Variants in SYT2 observed in about 807,000 individuals in gnomAD.
SYT2 encodes synaptotagmin-2.
A neutral mutation model predicts 39.9 loss-of-function variants in SYT2; 15 were observed. That is an observed-to-expected ratio of 0.38 (90% CI 0.25 to 0.58). The LOEUF (loss-of-function observed/expected upper bound fraction) is 0.58. Among genes scored for constraint, SYT2 ranks in the 20% least tolerant of loss-of-function variants. The probability of loss-of-function intolerance (pLI) is 0.70; values close to 1 mark genes in which losing one functional copy is unlikely to be tolerated. For missense variants in SYT2, 389 were observed against 530.3 expected, an observed-to-expected ratio of 0.73 and a Z score of 2.62; for synonymous variants, 181 against 204.5, an observed-to-expected ratio of 0.89 and a Z score of 0.98.
At chr1:202,627,553 T>G in intron 1 of SYT2, 1 of 984,988 alleles carries the variant, frequency 1.0e-6, no homozygotes, top group Non-Finnish European at 1.2e-6. Context: ...CCACTATAGG[T>G]AGGCAGGCCC....
At chr1:202,695,691 CA>C (rs1189881104) in intron 1 of SYT2, among the ~76,000 whole-genome samples, 2 of 152,208 alleles carry the variant, frequency 1.3e-5, no homozygotes, top group Non-Finnish European at 2.9e-5. Context: ...ACAGCACTGA[CA>C]TCAGTGGCAA....
At chr1:202,609,191 T>TGG (rs1690807260) in intron 1 of SYT2, among the ~76,000 whole-genome samples, 1 of 151,914 alleles carries the variant, frequency 6.6e-6, no homozygotes, top group Non-Finnish European at 1.5e-5. Context: ...TCCATGTCCC[T>TGG]ACAAAGGACA....
In SYT2 at chr1:202,596,748, C is replaced by T. The variant is rs186174697; in HGVS notation, c.*9G>A. The T allele has an allele frequency of 1.9e-4, 303 of 1,610,770 alleles. No homozygotes were observed. In the African/African-American group the frequency reaches 2.3e-3, roughly 12 times the overall value. ...TCCGTGAAAGGTGTGGGGTCCCAGC[C>T]GCTGCTGTCTACTTGTTCTTGCCCA... On this transcript the variant is annotated 3_prime_UTR_variant, in exon 9 of 9. Transcript: ENST00000367268.
intron 1 of SYT2, among the ~76,000 whole-genome samples, chr1:202,682,865 G>T (rs572930665): frequency 6.6e-4 from 100 of 152,260 alleles, no homozygotes; most frequent in Admixed American, 4.8e-3. Context: ...TCCATGCCTG[G>T]GCCTTCAACA....
chr1:202,705,407 T>G (rs1654223718), intron 1 of SYT2, among the ~76,000 whole-genome samples: 1 of 152,244 alleles, frequency 6.6e-6, no homozygotes, highest in Admixed American at 6.5e-5. Flanking sequence ...ACACTGACTT[T>G]GCCCTTTCTT....
chr1:202,683,918 C>G (rs940758159), intron 1 of SYT2, among the ~76,000 whole-genome samples: 3 of 152,126 alleles, frequency 2.0e-5, no homozygotes, highest in Non-Finnish European at 2.9e-5. Flanking sequence ...CTGAAGGTTA[C>G]CCAGGTGTGC....
At chr1:202,602,874 C>T (rs1690561540) in intron 4 of SYT2, 125 bp downstream of exon 4, 1 of 1,240,164 alleles carries the variant, frequency 8.1e-7, no homozygotes, top group Admixed American at 2.0e-5. Context: ...AGTTTCCAGC[C>T]TGCCTCATTC....
At chr1:202,610,908 T>A (rs1690868162) in intron 1 of SYT2, among the ~76,000 whole-genome samples, 1 of 151,884 alleles carries the variant, frequency 6.6e-6, no homozygotes, top group Non-Finnish European at 1.5e-5. Context: ...CCAAGGTAAT[T>A]TATAGATTCA....
chr1:202,605,502 C>G lies in SYT2; in HGVS notation c.178+93G>C. On this transcript the variant is annotated intron_variant, in intron 2 of 8. Transcript: ENST00000367268. The stretch of plus-strand genomic sequence containing the variant: ...TGAAATCTAAGCATTAGGAAAGAGC[C>G]CAGCCAATCACATCCCAGTGGTATC... 5.6e-6 allele frequency: 7 copies of G among 1,256,488 alleles called. No individual in the cohort carries two copies. In the South Asian group the frequency reaches 1.0e-4, roughly 18 times the overall value. The allele number at this position is 1,256,488 out of a possible 1,614,324, so 77.8% of individuals were successfully genotyped here.
chr1:202,710,003 G>T lies in SYT2; in HGVS notation c.-18+255C>A, dbSNP rs928347025. On this transcript the variant is annotated intron_variant, in intron 1 of 8. Transcript: ENST00000367268. ...ACCCGCGGGAGGAAATCTGCCCCCAGCCCAGCCCCAGTCCCTCAGAGGAGC... is the reference window on the plus strand; with the variant it reads ...ACCCGCGGGAGGAAATCTGCCCCCATCCCAGCCCCAGTCCCTCAGAGGAGC... Among the ~76,000 whole-genome samples, 3 of 151,732 alleles carry T rather than the reference G, an allele frequency of 2.0e-5. No homozygotes were observed. In the East Asian group the frequency reaches 5.9e-4, roughly 30 times the overall value.
At chr1:202,660,659 T>C (rs1170067132) in intron 1 of SYT2, among the ~76,000 whole-genome samples, 1 of 152,176 alleles carries the variant, frequency 6.6e-6, no homozygotes, top group African/African-American at 2.4e-5. Context: ...TTAAAAAATA[T>C]TTTTATAGAG....
In SYT2 at chr1:202,602,028, A is replaced by T. The variant is rs1261913938; in HGVS notation, c.663T>A (p.Thr221=). 1.2e-6 allele frequency: 2 copies of T among 1,614,016 alleles called. No homozygotes were observed. The highest frequency in any genetic ancestry group is 1.7e-6 in the Non-Finnish European group (2 of 1,180,036). ...CAAAGTCATAGATGGCCATCACCAG[A>T]GTTTTGCCCCCAAGCTCCTGGTATG... ...KVPYQELGGK[T]LVMAIYDFDR... Residue 221 remains threonine (T), a synonymous_variant, in exon 6 of 9, where the codon ACT becomes ACA. Transcript: ENST00000367268.
chr1:202,697,014 T>A (rs921548992), intron 1 of SYT2, among the ~76,000 whole-genome samples: 1 of 152,200 alleles, frequency 6.6e-6, no homozygotes, highest in Non-Finnish European at 1.5e-5. Context: ...TTCACCTTCC[T>A]ACCAAGCCCC....
chr1:202,657,702 T>A (rs114841306), intron 1 of SYT2, among the ~76,000 whole-genome samples: 266 of 152,114 alleles, frequency 1.7e-3, no homozygotes, highest in African/African-American at 6.2e-3. Flanking sequence ...GTCCAGAAAC[T>A]GAGTGCAGTC....
intron 1 of SYT2, among the ~76,000 whole-genome samples, chr1:202,647,690 A>G (rs1692115664): frequency 6.6e-6 from 1 of 152,214 alleles, no homozygotes; most frequent in East Asian, 1.9e-4. Context: ...AGACCTGTCC[A>G]AACAAAATAA....
chr1:202,628,972 C>T lies in SYT2; in HGVS notation c.-17-23183G>A, dbSNP rs1191912024. Among the ~76,000 whole-genome samples the T allele has an allele frequency of 3.3e-5, 5 of 152,280 alleles. No homozygotes were observed. Among genetic ancestry groups the T allele is most frequent in the South Asian group, 2.1e-4 (1 of 4,828 alleles). On this transcript the variant is annotated intron_variant, in intron 1 of 8. Transcript: ENST00000367268. The surrounding 1 kb of genome is among the most constrained non-coding windows in gnomAD (Gnocchi z 4.2). Reference sequence around the variant, plus strand: ...ATGGGAATGATAATGGAAGCTGCTGCGCAGGGCTGCGAGGCTTAGGAGCAC... The same window carrying T: ...ATGGGAATGATAATGGAAGCTGCTGTGCAGGGCTGCGAGGCTTAGGAGCAC...
At chr1:202,706,287 G>A (rs942721349) in intron 1 of SYT2, among the ~76,000 whole-genome samples, 21 of 151,956 alleles carry the variant, frequency 1.4e-4, no homozygotes, top group African/African-American at 4.6e-4. Flanking sequence ...CCACCAAGAC[G>A]GTGAGGGCAA....
chr1:202,665,694 T>C (rs1692469581), intron 1 of SYT2, among the ~76,000 whole-genome samples: 1 of 152,192 alleles, frequency 6.6e-6, no homozygotes, highest in Non-Finnish European at 1.5e-5. Context: ...TCGGTGCACC[T>C]TTCTCTCCTC....
Position 202,590,655 on chromosome 1 carries a change from C to CA in SYT2, c.*6101dup, listed in dbSNP as rs1259206207. On this transcript the variant is annotated 3_prime_UTR_variant, in exon 9 of 9. Transcript: ENST00000367268. ...AGTTCATTACAAAATAACAATTTGA[C>CA]AAGAGATCAGACAAGAACAAGAGTC... The CA allele has an allele frequency of 6.6e-6, 1 of 150,730 alleles. No individual in the cohort carries two copies. Among genetic ancestry groups the CA allele is most frequent in the Non-Finnish European group, 1.5e-5 (1 of 67,830 alleles). 9.3% of individuals were successfully genotyped at this position (150,730 alleles called of 1,614,324 possible). A position where few individuals can be genotyped will look rare whatever the true frequency, so the allele number is the denominator to read the frequency against.
Sources: allele counts gnomAD v4.1 joint callset (sites outside exome capture counted in the v4.1 genomes callset), GRCh38; gene constraint gnomAD v4.1.1; non-coding constraint Gnocchi (gnomAD v3.1); transcripts MANE v1.5; gene names NCBI Gene and HGNC (gene_info 2026-07-23, HGNC 2026-07-21).